The following KYAT3 variants were observed in gnomAD, a reference collection of about 807,000 sequenced individuals.
KYAT3 encodes kynurenine aminotransferase 3.
KYAT3 carries 50 observed loss-of-function variants against 59.0 expected under a neutral mutation model. The ratio of observed to expected loss-of-function variants is 0.85; its 90% confidence interval spans 0.68 to 1.07. The LOEUF (loss-of-function observed/expected upper bound fraction) is 1.07. Ranked by LOEUF, KYAT3 falls within the 50% of genes least tolerant of loss-of-function variation. The pLI, the probability that KYAT3 is intolerant of heterozygous loss-of-function variation, is 0.00. For synonymous variants in KYAT3, 148 were observed against 177.0 expected (o/e 0.84, Z 1.30); for missense variants, 497 against 533.3 (o/e 0.93, Z 0.67).
chr1:88,946,325 AT>A (rs11321436), intron 11 of KYAT3, among the ~76,000 whole-genome samples: 141,297 of 148,204 alleles, frequency 0.95, 67,526 homozygotes, highest in Non-Finnish European at 0.99. Context: ...TGTGTAACTG[AT>A]TTTTTTTTTT....
the KYAT3 span, among the ~76,000 whole-genome samples, chr1:88,925,762 G>T: frequency 6.6e-6 from 1 of 151,980 alleles, no homozygotes; most frequent in Non-Finnish European, 1.5e-5. Context: ...GAGAGAGAGA[G>T]ATAAAGAGGG....
intron 4 of KYAT3, among the ~76,000 whole-genome samples, chr1:88,966,364 C>T (rs965459987): frequency 4.6e-5 from 7 of 152,148 alleles, no homozygotes; most frequent in African/African-American, 1.2e-4. Context: ...CCATGAACAT[C>T]ATTCCCAATT....
intron 2 of KYAT3, chr1:88,983,030 T>C (rs942333653): frequency 6.2e-7 from 1 of 1,612,758 alleles, no homozygotes; most frequent in Non-Finnish European, 8.5e-7. Flanking sequence ...ATCACGACCA[T>C]ATCCATCTCT....
chr1:88,982,331 T>C (rs1677131785), intron 2 of KYAT3: 2 of 723,914 alleles, frequency 2.8e-6, no homozygotes, highest in Middle Eastern at 5.7e-4. Context: ...TAGAATTGCT[T>C]GCCTCATTTA....
At chr1:88,954,767 T>TTACTTATTTA (rs911928636) in intron 9 of KYAT3, among the ~76,000 whole-genome samples, 1 of 152,198 alleles carries the variant, frequency 6.6e-6, no homozygotes, top group Non-Finnish European at 1.5e-5. Flanking sequence ...ATTTATTTGT[T>TTACTTATTTA]TACTTATTTA....
intron 5 of KYAT3, among the ~76,000 whole-genome samples, chr1:88,963,127 T>C (rs1384613471): frequency 1.3e-5 from 2 of 151,966 alleles, no homozygotes; most frequent in African/African-American, 4.8e-5. Context: ...CATTAGATAA[T>C]TTCAGATAGT....
In KYAT3 at chr1:88,968,716, G is replaced by A. The variant is rs779046036; in HGVS notation, c.257C>T (p.Ser86Leu). 1 of 1,599,546 alleles carries A rather than the reference G, an allele frequency of 6.3e-7. No individual in the cohort carries two copies. Among genetic ancestry groups the A allele is most frequent in the Non-Finnish European group, 8.5e-7 (1 of 1,175,974 alleles). Residue 86 changes from serine to leucine, a missense_variant, in exon 4 of 14, where the codon TCA becomes TTA. By Grantham distance (145) the Ser-to-Leu change is moderately radical. This residue lies in a region of KYAT3 where 469 missense variants were observed against 479.1 expected (regional missense o/e 0.98). Transcript: ENST00000260508. ...CAGGCTATCGATTGCTGCAATCTTT[G>A]ATAATTCTTCTTTTACATATGTAGG... ...SPPTYVKEEL[S>L]KIAAIDSLNQ...
intron 2 of KYAT3, chr1:88,982,937 G>T: frequency 6.2e-7 from 1 of 1,613,982 alleles, no homozygotes; most frequent in Non-Finnish European, 8.5e-7. Flanking sequence ...GGGCCCTCGT[G>T]TAAGTGGAGC....
At chr1:88,934,776 G>A (rs1407962480), downstream of KYAT3, among the ~76,000 whole-genome samples, 2 of 152,134 alleles carry the variant, frequency 1.3e-5, no homozygotes, top group Admixed American at 1.3e-4. Flanking sequence ...ATAAAATGGA[G>A]GATTCTACAA....
At chr1:88,983,351 C>A (rs750298384) in intron 2 of KYAT3, 16 of 1,614,116 alleles carry the variant, frequency 9.9e-6, no homozygotes, top group Non-Finnish European at 1.3e-5. Flanking sequence ...AGGAGAAGGA[C>A]CCCCACTTCT....
intron 2 of KYAT3, chr1:88,983,155 A>G: frequency 6.2e-7 from 1 of 1,612,504 alleles, no homozygotes; most frequent in South Asian, 1.1e-5. Flanking sequence ...AACTTGGGTA[A>G]TCTCTGCTTG....
chr1:88,982,955 G>T (rs1677182081), intron 2 of KYAT3: 2 of 1,613,732 alleles, frequency 1.2e-6, no homozygotes, highest in African/African-American at 2.7e-5. Context: ...AGCACTACGT[G>T]AGTTACCATA....
chr1:88,964,477 C>T, intron 5 of KYAT3: 1 of 229,048 alleles, frequency 4.4e-6, no homozygotes, highest in South Asian at 6.1e-5. Flanking sequence ...CAAGAGTATA[C>T]ACTGTATAAT....
intron 2 of KYAT3, chr1:88,984,203 G>GTTT: frequency 1.0e-5 from 1 of 98,282 alleles, no homozygotes; most frequent in Non-Finnish European, 2.2e-5. Flanking sequence ...TTTTTTTGTT[G>GTTT]CTTTTTTTTT....
At chr1:88,976,027 C>G (rs1428873033) in intron 2 of KYAT3, among the ~76,000 whole-genome samples, 1 of 145,026 alleles carries the variant, frequency 6.9e-6, no homozygotes, top group African/African-American at 2.5e-5. Flanking sequence ...GAGCGAGACT[C>G]CATCTCAAGA....
chr1:88,939,737 C>A (rs1306533939), intron 13 of KYAT3, among the ~76,000 whole-genome samples: 1 of 152,158 alleles, frequency 6.6e-6, no homozygotes, highest in Non-Finnish European at 1.5e-5. Context: ...AATGTCCTTA[C>A]AGAAGTATTT....
At chr1:88,960,252 C>G (rs891994873) in intron 8 of KYAT3, among the ~76,000 whole-genome samples, 2 of 151,676 alleles carry the variant, frequency 1.3e-5, no homozygotes, top group African/African-American at 4.8e-5. Flanking sequence ...TAAAATTTAT[C>G]TATCTCTGCC....
intron 11 of KYAT3, among the ~76,000 whole-genome samples, chr1:88,948,027 G>A (rs528592442): frequency 4.7e-4 from 72 of 152,298 alleles, no homozygotes; most frequent in African/African-American, 1.5e-3. Context: ...AGGAGGCAGA[G>A]GTTGCAGTGA....
intron 9 of KYAT3, among the ~76,000 whole-genome samples, 192 bp from the exon 10 acceptor site, chr1:88,953,344 A>G (rs1675758615): frequency 6.6e-6 from 1 of 152,114 alleles, no homozygotes; most frequent in African/African-American, 2.4e-5. Flanking sequence ...TTGGAGTTGA[A>G]GACCAGCCTG....
Sources: allele counts gnomAD v4.1 joint callset (sites outside exome capture counted in the v4.1 genomes callset), GRCh38; gene constraint gnomAD v4.1.1; regional missense constraint gnomAD v4.1.1; transcripts MANE v1.5; gene names NCBI Gene and HGNC (gene_info 2026-07-23, HGNC 2026-07-21).